Variants in PTPN9 observed in about 807,000 individuals in gnomAD.
The protein encoded by PTPN9 is tyrosine-protein phosphatase non-receptor type 9.
Under a neutral mutation model 69.8 loss-of-function variants are expected in PTPN9, and 26 were observed. The observed-to-expected ratio is 0.37, with a 90% CI of 0.27 to 0.52. The LOEUF (loss-of-function observed/expected upper bound fraction) is 0.52. Ranked by LOEUF, PTPN9 falls within the 20% of genes least tolerant of loss-of-function variation. The pLI is 0.91. For synonymous variants in PTPN9, 274 were observed against 272.5 expected (o/e 1.01, Z -0.05); for missense variants, 549 against 740.3 (o/e 0.74, Z 3.00).
At position 75,505,859 on chromosome 15, in the gene PTPN9, C is replaced by T. The variant is rs779410388; in HGVS notation, c.784G>A (p.Asp262Asn). ...GGGAGGGAGAACAGGATGATCTCATCGAAGGGATCTGGGTGGCCGTTCACC... is the reference window on the plus strand; with the variant it reads ...GGGAGGGAGAACAGGATGATCTCATTGAAGGGATCTGGGTGGCCGTTCACC... The part of the protein sequence containing the change: ...PQVNGHPDPF[D>N]EIILFSLPPA... Residue 262 changes from aspartate (D) to asparagine (N), a missense_variant, in exon 7 of 13, where the codon GAT becomes AAT. Coordinates refer to ENST00000618819, the MANE Select transcript of PTPN9 (RefSeq NM_002833.4). 10 of 1,613,958 alleles carry T rather than the reference C, an allele frequency of 6.2e-6. No individual in the cohort carries two copies. The highest frequency in any genetic ancestry group is 1.7e-5 in the Admixed American group (1 of 59,974).
At chr15:75,530,752 A>AT (rs2074958544) in intron 1 of PTPN9, among the ~76,000 whole-genome samples, 1 of 77,350 alleles carries the variant, frequency 1.3e-5, no homozygotes, top group African/African-American at 5.3e-5. Flanking sequence ...TAATATATAT[A>AT]ATATAATATA....
chr15:75,537,984 A>C (rs2074992352), intron 1 of PTPN9, among the ~76,000 whole-genome samples: 1 of 151,830 alleles, frequency 6.6e-6, no homozygotes, highest in South Asian at 2.1e-4. Context: ...ACTTGAACCC[A>C]GGAGGCAGAG....
At chr15:75,548,652 A>AT (rs540489248) in intron 1 of PTPN9, among the ~76,000 whole-genome samples, 5,016 of 133,890 alleles carry the variant, frequency 0.037, 328 homozygotes, top group African/African-American at 0.11. Context: ...ACAAGGGGAA[A>AT]TTTTTTTTTT....
intron 1 of PTPN9, among the ~76,000 whole-genome samples, chr15:75,563,856 C>A (rs2075115132): frequency 6.6e-6 from 1 of 152,006 alleles, no homozygotes; most frequent in East Asian, 1.9e-4. Flanking sequence ...CTGGCACATA[C>A]CAACAGATAA....
At chr15:75,560,767 T>C (rs1392531832) in intron 1 of PTPN9, among the ~76,000 whole-genome samples, 1 of 152,166 alleles carries the variant, frequency 6.6e-6, no homozygotes, top group Non-Finnish European at 1.5e-5. Context: ...ACACCTGTAA[T>C]CCCAGCACTT....
intron 1 of PTPN9, among the ~76,000 whole-genome samples, chr15:75,552,117 T>A (rs2075058881): frequency 6.6e-6 from 1 of 151,550 alleles, no homozygotes; most frequent in Admixed American, 6.6e-5. Context: ...TGATAAGCAC[T>A]GCCGGGCACG....
At chr15:75,536,555 A>C (rs1430990177) in intron 1 of PTPN9, among the ~76,000 whole-genome samples, 1 of 152,182 alleles carries the variant, frequency 6.6e-6, no homozygotes, top group Non-Finnish European at 1.5e-5. Context: ...TCAGAGAACA[A>C]AATGTTTCAA....
intron 6 of PTPN9, among the ~76,000 whole-genome samples, chr15:75,507,191 C>T (rs2074823831): frequency 6.6e-6 from 1 of 152,102 alleles, no homozygotes; most frequent in South Asian, 2.1e-4. Context: ...TGCCTATAAT[C>T]CCAGCACTTT....
intron 1 of PTPN9, among the ~76,000 whole-genome samples, chr15:75,547,294 C>CAAAA (rs71140170): frequency 1.7e-5 from 1 of 60,052 alleles, no homozygotes; most frequent in Non-Finnish European, 3.0e-5. Flanking sequence ...GACTCTGTCT[C>CAAAA]AAAAAAAAAA....
At chr15:75,495,721 C>T (rs1359439391) in intron 7 of PTPN9, among the ~76,000 whole-genome samples, 2 of 150,838 alleles carry the variant, frequency 1.3e-5, no homozygotes, top group African/African-American at 4.9e-5. Context: ...ACCACAACAA[C>T]AAAACAAAAC....
chr15:75,496,498 CTTT>C (rs34799690), intron 7 of PTPN9, among the ~76,000 whole-genome samples: 2 of 146,676 alleles, frequency 1.4e-5, no homozygotes. Flanking sequence ...GTATTATTAA[CTTT>C]TTTTTTTTTT....
intron 9 of PTPN9, among the ~76,000 whole-genome samples, chr15:75,477,960 C>A (rs1405974396): frequency 6.6e-6 from 1 of 151,620 alleles, no homozygotes; most frequent in African/African-American, 2.4e-5. Context: ...CCTGCCTCAG[C>A]CTCCCGAATA....
At chr15:75,539,216 G>A (rs984637622) in intron 1 of PTPN9, among the ~76,000 whole-genome samples, 25 of 152,086 alleles carry the variant, frequency 1.6e-4, no homozygotes, top group African/African-American at 5.8e-4. Context: ...CAAAGTGCTG[G>A]GATTATAGGC....
At chr15:75,535,104 C>T (rs1644716217) in intron 1 of PTPN9, among the ~76,000 whole-genome samples, 1 of 151,504 alleles carries the variant, frequency 6.6e-6, no homozygotes, top group Admixed American at 6.6e-5. Context: ...TCACGCCATT[C>T]TCCTGCCTCA....
chr15:75,524,777 CAAAAAAAAAAAAA>C (rs10699634), intron 2 of PTPN9, among the ~76,000 whole-genome samples: 2 of 72,938 alleles, frequency 2.7e-5, no homozygotes, highest in Non-Finnish European at 4.4e-5. Flanking sequence ...GACTCTGTCT[CAAAAAAAAAAAAA>C]AAAAAAAAAA....
chr15:75,527,408 T>C, intron 1 of PTPN9, 147 bp from the exon 2 acceptor site: 1 of 803,056 alleles, frequency 1.2e-6, no homozygotes, highest in South Asian at 1.9e-5. Flanking sequence ...AACAAAAAGG[T>C]AGAAACAGGT....
intron 1 of PTPN9, among the ~76,000 whole-genome samples, chr15:75,537,813 C>T (rs1227862926): frequency 6.8e-6 from 1 of 146,822 alleles, no homozygotes; most frequent in African/African-American, 2.5e-5. Flanking sequence ...AATCCCAGCA[C>T]TTTGGGAGGC....
intron 4 of PTPN9, among the ~76,000 whole-genome samples, chr15:75,520,429 G>A (rs1004384143): frequency 1.4e-5 from 2 of 144,090 alleles, no homozygotes; most frequent in African/African-American, 2.5e-5. Context: ...TCACACTTTA[G>A]GGTATAGAAT....
chr15:75,557,341 C>T lies in PTPN9; in HGVS notation c.63+21373G>A, dbSNP rs1232446643. On this transcript the variant is annotated intron_variant, in intron 1 of 12. Coordinates refer to ENST00000618819, the MANE Select transcript of PTPN9 (RefSeq NM_002833.4). ...TTGGGAGTCTGAGGCAAGAGAATCT[C>T]TTGAACCTGGGAGGCGGAGGTTGTA... 3.9e-5 allele frequency among the ~76,000 whole-genome samples: 6 copies of T among 151,976 alleles called. No homozygotes were observed. In the East Asian group the frequency reaches 1.2e-3, roughly 29 times the overall value.
Sources: gnomAD v4.1 joint callset for allele counts (sites outside exome capture counted in the v4.1 genomes callset) on GRCh38, gnomAD v4.1.1 for gene constraint, MANE v1.5 for transcripts, NCBI Gene and HGNC (gene_info 2026-07-23, HGNC 2026-07-21) for gene names.